Variants in MAGI1 observed in about 807,000 individuals in gnomAD.
MAGI1 encodes the protein membrane associated guanylate kinase, WW and PDZ domain containing 1.
Under a neutral mutation model 139.9 loss-of-function variants are expected in MAGI1, and 58 were observed. That is an observed-to-expected ratio of 0.41 (90% CI 0.34 to 0.52). The LOEUF (loss-of-function observed/expected upper bound fraction) is 0.52. Ranked by LOEUF, MAGI1 falls within the 20% of genes least tolerant of loss-of-function variation. The pLI is 0.12. For missense variants in MAGI1, 1,874 were observed against 1,901.6 expected (o/e 0.99, Z 0.27); for synonymous variants, 812 against 737.9 (o/e 1.10, Z -1.63).
At chr3:65,377,658 TTTTTA>T (rs1391780543) in intron 17 of MAGI1, among the ~76,000 whole-genome samples, 2 of 152,234 alleles carry the variant, frequency 1.3e-5, no homozygotes, top group African/African-American at 4.8e-5. Context: ...CTTCTCTTTA[TTTTTA>T]TATTAAGCAA....
chr3:65,580,999 T>G (rs2081393139), intron 2 of MAGI1, among the ~76,000 whole-genome samples: 1 of 152,186 alleles, frequency 6.6e-6, no homozygotes, highest in South Asian at 2.1e-4. Flanking sequence ...TCTCTGAGCT[T>G]AGGGCAAAAG....
chr3:65,747,331 G>C (rs917834463), intron 1 of MAGI1, among the ~76,000 whole-genome samples: 1 of 152,108 alleles, frequency 6.6e-6, no homozygotes, highest in African/African-American at 2.4e-5. Flanking sequence ...GTTTTCCAGA[G>C]GCTACAGGCC....
rs1390883228 is a variant in MAGI1 at position 65,569,205 on chromosome 3, C to T, written c.430+52767G>A. On this transcript the variant is annotated intron_variant, in intron 2 of 22. Transcript: ENST00000402939. ...CAAAAGGAAAAATATTGCATGATTC[C>T]TCTTATAAGAAGTACCTAGAATAGT... 2.0e-5 allele frequency among the ~76,000 whole-genome samples: 3 copies of T among 152,230 alleles called. No individual in the cohort carries two copies. In the East Asian group the frequency reaches 5.8e-4, roughly 29 times the overall value.
At chr3:65,672,445 A>C (rs1393344792) in intron 1 of MAGI1, among the ~76,000 whole-genome samples, 1 of 152,240 alleles carries the variant, frequency 6.6e-6, no homozygotes, top group African/African-American at 2.4e-5. Flanking sequence ...TAATTTATAG[A>C]TATATCAGAT....
chr3:65,753,582 G>A (rs1227492936), intron 1 of MAGI1, among the ~76,000 whole-genome samples: 5 of 151,794 alleles, frequency 3.3e-5, no homozygotes, highest in African/African-American at 9.7e-5. Context: ...TCAGCCAGTC[G>A]TGGTGGCACA....
chr3:65,650,844 A>G (rs889148695), intron 1 of MAGI1, among the ~76,000 whole-genome samples: 1 of 152,240 alleles, frequency 6.6e-6, no homozygotes, highest in African/African-American at 2.4e-5. Flanking sequence ...GCATTGACAT[A>G]AACTACTATA....
intron 1 of MAGI1, among the ~76,000 whole-genome samples, chr3:65,707,368 T>G (rs1490592563): frequency 6.6e-6 from 1 of 152,122 alleles, no homozygotes; most frequent in Non-Finnish European, 1.5e-5. Context: ...TCCCAGCACT[T>G]TGGACGTGCA....
At position 65,493,625 on chromosome 3, in the gene MAGI1, G is replaced by A; in HGVS notation, c.437C>T (p.Thr146Ile). 1 of 1,614,038 alleles carries A rather than the reference G, an allele frequency of 6.2e-7. No homozygotes were observed. The highest frequency in any genetic ancestry group is 8.5e-7 in the Non-Finnish European group (1 of 1,180,030). ...NLYRHAVPCT[T>I]RSPREGEVPG... ...CACTTCTCCTTCTCTGGGAGATCGG[G>A]TTGTGCCTGTAGCAGAAAATACAAA... Residue 146 changes from threonine (T) to isoleucine (I), a missense_variant, in exon 3 of 23, where the codon ACC becomes ATC. This residue lies in a region of MAGI1 where 648 missense variants were observed against 598.1 expected (regional missense o/e 1.08). Transcript: ENST00000402939.
At chr3:65,638,817 G>C (rs897122550) in intron 1 of MAGI1, among the ~76,000 whole-genome samples, 1 of 151,690 alleles carries the variant, frequency 6.6e-6, no homozygotes, top group African/African-American at 2.4e-5. Flanking sequence ...ATGTTGGCCA[G>C]GCTGGTCTTG....
chr3:65,598,800 GC>G (rs1216704947), intron 2 of MAGI1, among the ~76,000 whole-genome samples: 1 of 152,166 alleles, frequency 6.6e-6, no homozygotes, highest in Non-Finnish European at 1.5e-5. Context: ...TTCTCTAAGA[GC>G]CGGCGGTATC....
At chr3:65,773,757 G>T (rs1162746762) in intron 1 of MAGI1, among the ~76,000 whole-genome samples, 1 of 152,130 alleles carries the variant, frequency 6.6e-6, no homozygotes, top group African/African-American at 2.4e-5. Context: ...ACTCTAATTT[G>T]CTTTCTTTGT....
chr3:65,447,451 T>C (rs528220799), intron 7 of MAGI1, among the ~76,000 whole-genome samples: 5 of 152,326 alleles, frequency 3.3e-5, no homozygotes, highest in Admixed American at 2.0e-4. Context: ...TGCATCACTA[T>C]ATAAACAACC....
intron 22 of MAGI1, chr3:65,360,544 A>T: frequency 1.0e-6 from 1 of 984,886 alleles, no homozygotes; most frequent in Non-Finnish European, 1.2e-6. Flanking sequence ...GTATAGTCAC[A>T]TGTTTCCCTC....
At chr3:65,739,149 T>C (rs1246303803) in intron 1 of MAGI1, among the ~76,000 whole-genome samples, 4 of 152,242 alleles carry the variant, frequency 2.6e-5, no homozygotes, top group African/African-American at 4.8e-5. Flanking sequence ...CTTGATCTCC[T>C]GCATACCTTG....
chr3:65,495,826 A>C (rs1952391883), intron 2 of MAGI1, among the ~76,000 whole-genome samples: 1 of 152,020 alleles, frequency 6.6e-6, no homozygotes, highest in South Asian at 2.1e-4. Context: ...AGGCAGAGGG[A>C]AGGGAAAAGG....
At position 65,756,114 on chromosome 3, in the gene MAGI1, TTCTC is replaced by T. The variant is rs1182107011; in HGVS notation, c.314-134030_314-134027del. On this transcript the variant is annotated intron_variant, in intron 1 of 22. Coordinates refer to ENST00000402939, the MANE Select transcript of MAGI1 (RefSeq NM_001033057.2). ...AATTATCGTGTCGGGGCTTATAGAC[TTCTC>T]TCTTTTCCAACTTAGTTCGCTCTGT... Among the ~76,000 whole-genome samples the T allele has an allele frequency of 6.6e-5, 10 of 152,344 alleles. No individual in the cohort carries two copies. In the East Asian group the frequency reaches 9.6e-4, roughly 15 times the overall value.
intron 1 of MAGI1, chr3:65,717,419 T>C (rs566188821): frequency 2.0e-5 from 3 of 152,304 alleles, no homozygotes; most frequent in South Asian, 4.2e-4. Context: ...GATGAAGCAA[T>C]CTTTGAACAG....
At position 66,038,032 on chromosome 3, in the gene MAGI1, A is replaced by G; in HGVS notation, c.277T>C (p.Cys93Arg). Reference protein sequence around the residue: ...RYDVLGVIDSCKEAVTFKAVR... With the variant: ...RYDVLGVIDSRKEAVTFKAVR... ...GCCTTGAAGGTGACGGCCTCCTTGC[A>G]GCTGTCGATGACCCCCAGCACGTCA... Residue 93 changes from cysteine (C) to arginine (R), a missense_variant, in exon 1 of 23, where the codon TGC becomes CGC. By Grantham distance (180) the Cys-to-Arg change is radical (BLOSUM62 -3). Coordinates refer to ENST00000402939, the MANE Select transcript of MAGI1 (RefSeq NM_001033057.2). 6.2e-7 allele frequency: 1 copy of G among 1,605,054 alleles called. No individual in the cohort carries two copies. The highest frequency in any genetic ancestry group is 8.5e-7 in the Non-Finnish European group (1 of 1,175,006).
At chr3:65,696,535 A>G (rs553782994) in intron 1 of MAGI1, among the ~76,000 whole-genome samples, 2 of 152,320 alleles carry the variant, frequency 1.3e-5, no homozygotes, top group East Asian at 3.9e-4. Context: ...CCCACTTATA[A>G]TTAAAATAAT....
Sources: allele counts gnomAD v4.1 joint callset (sites outside exome capture counted in the v4.1 genomes callset), GRCh38; gene constraint gnomAD v4.1.1; regional missense constraint gnomAD v4.1.1; transcripts MANE v1.5; gene names NCBI Gene and HGNC (gene_info 2026-07-23, HGNC 2026-07-21).